The following THSD4 variants were observed in gnomAD, a reference collection of about 807,000 sequenced individuals.
The protein encoded by THSD4 is thrombospondin type-1 domain-containing protein 4.
In THSD4, 69 loss-of-function variants were observed where a neutral mutation model predicts 119.0. The observed-to-expected ratio is 0.58, with a 90% CI of 0.48 to 0.71. THSD4 has a LOEUF of 0.71. Ranked by LOEUF, THSD4 falls within the 30% of genes least tolerant of loss-of-function variation. The pLI is 0.00. For synonymous variants in THSD4, 524 were observed against 540.4 expected, an observed-to-expected ratio of 0.97 and a Z score of 0.42; for missense variants, 1,393 against 1,391.1, an observed-to-expected ratio of 1.00 and a Z score of -0.02.
At chr15:71,493,254 C>G (rs1410643346) in intron 7 of THSD4, among the ~76,000 whole-genome samples, 1 of 152,232 alleles carries the variant, frequency 6.6e-6, no homozygotes, top group Non-Finnish European at 1.5e-5. Flanking sequence ...GAAGTTAACA[C>G]TGAATTGTGA....
intron 8 of THSD4, among the ~76,000 whole-genome samples, chr15:71,707,895 A>G (rs141108668): frequency 4.5e-4 from 69 of 152,340 alleles, no homozygotes; most frequent in African/African-American, 1.7e-3. Flanking sequence ...CCAGCCTGAT[A>G]CTTTCCAGGG....
intron 7 of THSD4, among the ~76,000 whole-genome samples, chr15:71,650,941 A>G (rs2051074308): frequency 6.6e-6 from 1 of 152,230 alleles, no homozygotes; most frequent in Admixed American, 6.5e-5. Flanking sequence ...AATATACTTT[A>G]GAAGGATTCC....
rs556777774 is a variant in THSD4 at position 71,662,824 on chromosome 15, A to G, written c.1357+2090A>G. Among the ~76,000 whole-genome samples the G allele has an allele frequency of 8.5e-5, 13 of 152,300 alleles. No homozygotes were observed. The East Asian group carries it at 2.5e-3, about 29-fold the overall frequency. On this transcript the variant is annotated intron_variant, in intron 8 of 17. Transcript: ENST00000261862. ...AGACTCGGCAGAGCCCCTGACACCT[A>G]TTAGGCAGTTGACAAATGTTCATTG...
chr15:71,434,291 C>T (rs2046978150), intron 7 of THSD4, among the ~76,000 whole-genome samples: 1 of 152,104 alleles, frequency 6.6e-6, no homozygotes, highest in African/African-American at 2.4e-5. Flanking sequence ...GCATGTAACA[C>T]ACATTATGTA....
intron 6 of THSD4, among the ~76,000 whole-genome samples, chr15:71,377,914 A>T (rs58475568): frequency 0.045 from 6,622 of 146,228 alleles, 393 homozygotes; most frequent in African/African-American, 0.12. Context: ...ACACACACAC[A>T]ATTTCCTTCA....
intron 8 of THSD4, among the ~76,000 whole-genome samples, chr15:71,689,442 G>A (rs2141047384): frequency 6.6e-6 from 1 of 152,312 alleles, no homozygotes; most frequent in South Asian, 2.1e-4. Context: ...TATAAAGTGA[G>A]GATAAGAGGA....
intron 3 of THSD4, among the ~76,000 whole-genome samples, chr15:71,199,539 GTGT>G (rs2043754357): frequency 7.5e-6 from 1 of 133,486 alleles, no homozygotes; most frequent in Non-Finnish European, 1.6e-5. Context: ...TGTGTGGTGT[GTGT>G]ATGTGTGGTG....
chr15:71,442,579 A>AAAAATAT (rs1195413080), intron 7 of THSD4, among the ~76,000 whole-genome samples: 711 of 39,766 alleles, frequency 0.018, 79 homozygotes, highest in Non-Finnish European at 0.033. Flanking sequence ...AAAAAAAAAA[A>AAAAATAT]ATATATATAT....
At chr15:71,625,477 T>C (rs2050491647) in intron 7 of THSD4, among the ~76,000 whole-genome samples, 1 of 152,164 alleles carries the variant, frequency 6.6e-6, no homozygotes, top group African/African-American at 2.4e-5. Context: ...AGGAGAAGTT[T>C]GAAAAATTCT....
intron 7 of THSD4, among the ~76,000 whole-genome samples, chr15:71,626,817 G>C (rs2050518627): frequency 6.6e-6 from 1 of 152,064 alleles, no homozygotes; most frequent in South Asian, 2.1e-4. Context: ...TGCTTTCACT[G>C]TTCTTATCTA....
At position 71,699,203 on chromosome 15, in the gene THSD4, G is replaced by A. The variant is rs1159207265; in HGVS notation, c.1358-29346G>A. On this transcript the variant is annotated intron_variant, in intron 8 of 17. Coordinates refer to ENST00000261862, the MANE Select transcript of THSD4 (RefSeq NM_024817.3). Reference sequence around the variant, plus strand: ...CTTATCAAGGTGTATACATTAAATAGCTACAGCTTTTTTTTTTTTTTTTTT... The same window carrying A: ...CTTATCAAGGTGTATACATTAAATAACTACAGCTTTTTTTTTTTTTTTTTT... 2.2e-5 allele frequency among the ~76,000 whole-genome samples: 3 copies of A among 137,702 alleles called. 1 individual carries two copies. Among genetic ancestry groups the A allele is most frequent in the Non-Finnish European group, 4.6e-5 (3 of 65,280 alleles). 90.3% of individuals were successfully genotyped at this position (137,702 alleles called of 152,430 possible). A position where few individuals can be genotyped will look rare whatever the true frequency, so the allele number is the denominator to read the frequency against.
chr15:71,362,778 C>T (rs1293610131), intron 6 of THSD4, among the ~76,000 whole-genome samples: 1 of 151,650 alleles, frequency 6.6e-6, no homozygotes, highest in African/African-American at 2.4e-5. Context: ...TTCATCCTCC[C>T]CCTCCCTCCA....
chr15:71,486,316 A>G (rs1399016074), intron 7 of THSD4, among the ~76,000 whole-genome samples: 1 of 152,182 alleles, frequency 6.6e-6, no homozygotes, highest in Non-Finnish European at 1.5e-5. Flanking sequence ...TTCCACTTCC[A>G]GTTCCACTTG....
chr15:71,156,406 C>T (rs1012236079), intron 3 of THSD4, among the ~76,000 whole-genome samples: 5 of 152,060 alleles, frequency 3.3e-5, no homozygotes, highest in South Asian at 4.2e-4. Flanking sequence ...TACAGGCCTG[C>T]GCCACCACAC....
chr15:71,608,967 T>C (rs2050169552), intron 7 of THSD4, among the ~76,000 whole-genome samples: 1 of 152,188 alleles, frequency 6.6e-6, no homozygotes, highest in South Asian at 2.1e-4. Context: ...CATCAGTCTC[T>C]CCCTGGGCAG....
At chr15:71,229,042 T>A (rs968745104) in intron 4 of THSD4, among the ~76,000 whole-genome samples, 1 of 152,268 alleles carries the variant, frequency 6.6e-6, no homozygotes, top group African/African-American at 2.4e-5. Flanking sequence ...TCAAATAGTC[T>A]ATCCCTGTAA....
chr15:71,261,609 G>C (rs35697671), intron 6 of THSD4, among the ~76,000 whole-genome samples: 20,207 of 152,096 alleles, frequency 0.13, 1,514 homozygotes, highest in Middle Eastern at 0.24. Context: ...ACTTGGGTTA[G>C]CTCAGGTCAT....
At chr15:71,237,505 C>T (rs928233339) in intron 4 of THSD4, among the ~76,000 whole-genome samples, 1 of 152,134 alleles carries the variant, frequency 6.6e-6, no homozygotes, top group African/African-American at 2.4e-5. Flanking sequence ...CGAAGTGACA[C>T]GTGGAGCTAT....
At chr15:71,500,317 T>A (rs1407707363) in intron 7 of THSD4, among the ~76,000 whole-genome samples, 1 of 152,194 alleles carries the variant, frequency 6.6e-6, no homozygotes. Context: ...TGCCCATTTT[T>A]AAATTAGATT....
Sources: gnomAD v4.1 joint callset for allele counts (sites outside exome capture counted in the v4.1 genomes callset) on GRCh38, gnomAD v4.1.1 for gene constraint, MANE v1.5 for transcripts, NCBI Gene and HGNC (gene_info 2026-07-23, HGNC 2026-07-21) for gene names.